The following CHODL variants were observed in gnomAD, a reference collection of about 807,000 sequenced individuals.
The protein encoded by CHODL is transmembrane protein MT75.
Under a neutral mutation model 34.5 loss-of-function variants are expected in CHODL, and 29 were observed. That is an observed-to-expected ratio of 0.84 (90% confidence interval 0.63 to 1.15). The LOEUF (loss-of-function observed/expected upper bound fraction) is 1.15, where lower values mean the gene tolerates loss of function less well. CHODL is among the 50% of genes most tolerant of loss of function. The pLI is 0.00. For synonymous variants in CHODL, 125 were observed against 116.1 expected, an observed-to-expected ratio of 1.08 and a Z score of -0.49; for missense variants, 332 against 332.5, an observed-to-expected ratio of 1.00 and a Z score of 0.01.
chr21:18,145,158 C>A (rs113775858), intron 2 of CHODL, among the ~76,000 whole-genome samples: 1 of 150,894 alleles, frequency 6.6e-6, no homozygotes. Flanking sequence ...GCATTTGGGC[C>A]GGGCGCGGTG....
intron 2 of CHODL, among the ~76,000 whole-genome samples, chr21:18,227,279 T>A (rs1215033408): frequency 1.3e-5 from 2 of 152,176 alleles, no homozygotes; most frequent in Admixed American, 1.3e-4. Context: ...ACATTCAGAC[T>A]GTAGCAATAA....
intron 2 of CHODL, among the ~76,000 whole-genome samples, chr21:18,237,108 A>C (rs1335486916): frequency 6.6e-6 from 1 of 152,116 alleles, no homozygotes; most frequent in Non-Finnish European, 1.5e-5. Context: ...TAGGATGTGA[A>C]AATCAACCAC....
At chr21:18,114,592 C>T (rs1211791001) in intron 2 of CHODL, among the ~76,000 whole-genome samples, 1 of 152,044 alleles carries the variant, frequency 6.6e-6, no homozygotes, top group East Asian at 1.9e-4. Context: ...AGCTTAGCTG[C>T]CTGGCTAATT....
intron 2 of CHODL, among the ~76,000 whole-genome samples, chr21:18,081,765 G>A (rs1007878828): frequency 7.3e-5 from 11 of 151,490 alleles, no homozygotes; most frequent in African/African-American, 2.4e-4. Flanking sequence ...AACTTTTCTC[G>A]TTAAGTATGA....
chr21:17,985,559 TC>T (rs1317205792), intron 1 of CHODL, among the ~76,000 whole-genome samples: 1 of 152,200 alleles, frequency 6.6e-6, no homozygotes, highest in Non-Finnish European at 1.5e-5. Flanking sequence ...TTCAATTAGT[TC>T]CTGAGATAAC....
chr21:17,976,300 A>G (rs1016559479), intron 1 of CHODL, among the ~76,000 whole-genome samples: 50 of 145,436 alleles, frequency 3.4e-4, no homozygotes, highest in African/African-American at 1.3e-3. Flanking sequence ...AAAAAAAAAG[A>G]CATTGTTTCT....
At chr21:17,962,120 G>T (rs1411497103) in intron 1 of CHODL, among the ~76,000 whole-genome samples, 1 of 152,076 alleles carries the variant, frequency 6.6e-6, no homozygotes, top group East Asian at 1.9e-4. Context: ...AATGTTTAGG[G>T]ACCTATTTTC....
chr21:18,117,064 C>G (rs1023641452), intron 2 of CHODL, among the ~76,000 whole-genome samples: 3 of 152,182 alleles, frequency 2.0e-5, no homozygotes, highest in Admixed American at 2.0e-4. Flanking sequence ...GAAACCTGAT[C>G]AGGTTATAGC....
chr21:18,211,282 C>T (rs536082655), intron 2 of CHODL, among the ~76,000 whole-genome samples: 1 of 152,108 alleles, frequency 6.6e-6, no homozygotes, highest in South Asian at 2.1e-4. Context: ...GTATATTCCC[C>T]CTCTCTGGTT....
rs529295301 is a variant in CHODL, at chr21:17,945,786, T to C, written c.-145+28386T>C. Among the ~76,000 whole-genome samples, 41 of 152,262 alleles carry C rather than the reference T, an allele frequency of 2.7e-4. No individual in the cohort carries two copies. The Middle Eastern group carries it at 0.01, about 38-fold the overall frequency. ...GTCAAAATTAATTCAAAGAGGAGTA[T>C]ACTAAGACATCTAATAATCAAACTA... is the stretch of plus-strand genomic sequence containing the variant. On this transcript the variant is annotated intron_variant, in intron 1 of 6. Transcript: ENST00000400127.
chr21:18,109,861 G>A (rs535923886), intron 2 of CHODL, among the ~76,000 whole-genome samples: 1 of 152,104 alleles, frequency 6.6e-6, no homozygotes, highest in Admixed American at 6.6e-5. Flanking sequence ...GCATAAAAAG[G>A]TTAGAGGAAT....
chr21:18,202,821 G>T (rs1410580391), intron 2 of CHODL, among the ~76,000 whole-genome samples: 1 of 152,068 alleles, frequency 6.6e-6, no homozygotes, highest in Non-Finnish European at 1.5e-5. Context: ...TTTTCATATT[G>T]GTGCATCTTT....
intron 2 of CHODL, among the ~76,000 whole-genome samples, chr21:18,225,108 AG>A (rs1390536810): frequency 6.6e-6 from 1 of 152,148 alleles, no homozygotes; most frequent in Non-Finnish European, 1.5e-5. Context: ...CTTACATTGT[AG>A]TGCTGACTTT....
intron 2 of CHODL, among the ~76,000 whole-genome samples, chr21:18,095,274 G>C (rs967409694): frequency 6.6e-6 from 1 of 151,908 alleles, no homozygotes; most frequent in African/African-American, 2.4e-5. Flanking sequence ...CAAACTGAGA[G>C]AAAAGGAGAG....
intron 2 of CHODL, among the ~76,000 whole-genome samples, chr21:18,137,477 A>G (rs2072747782): frequency 1.3e-5 from 2 of 152,290 alleles, no homozygotes; most frequent in East Asian, 1.9e-4. Context: ...GTTTTTCAAC[A>G]GGTGCCTTTC....
intron 1 of CHODL, among the ~76,000 whole-genome samples, chr21:17,947,705 C>T (rs1052356197): frequency 2.6e-5 from 4 of 152,162 alleles, no homozygotes; most frequent in African/African-American, 9.6e-5. Flanking sequence ...AAAGTTTATA[C>T]ACTCTGGGAA....
intron 2 of CHODL, among the ~76,000 whole-genome samples, chr21:18,201,964 T>C (rs763117501): frequency 4.0e-5 from 6 of 151,840 alleles, no homozygotes; most frequent in Non-Finnish European, 8.8e-5. Context: ...GCCACCACAC[T>C]CGACTAATTT....
At chr21:18,144,713 A>T (rs1342346612) in intron 2 of CHODL, among the ~76,000 whole-genome samples, 4 of 151,774 alleles carry the variant, frequency 2.6e-5, no homozygotes, top group East Asian at 1.9e-4. Flanking sequence ...TGGAGGTTAT[A>T]AAAAAAATCA....
chr21:18,001,166 G>T (rs979492400), intron 1 of CHODL, among the ~76,000 whole-genome samples: 4 of 152,154 alleles, frequency 2.6e-5, no homozygotes, highest in African/African-American at 9.7e-5. Flanking sequence ...AGAGACCACA[G>T]AACAACTGCA....
Sources: gnomAD v4.1 joint callset for allele counts (sites outside exome capture counted in the v4.1 genomes callset) on GRCh38, gnomAD v4.1.1 for gene constraint, MANE v1.5 for transcripts, NCBI Gene and HGNC (gene_info 2026-07-23, HGNC 2026-07-21) for gene names.